DYDC1: variants seen among roughly 807,000 people sequenced by gnomAD.
The protein encoded by DYDC1 is DPY30 domain-containing protein 1.
DYDC1 carries 21 observed loss-of-function variants against 27.9 expected under a neutral mutation model. That is an observed-to-expected ratio of 0.75 (90% CI 0.53 to 1.08). The LOEUF (loss-of-function observed/expected upper bound fraction) is 1.08. DYDC1 is among the 50% of genes least tolerant of loss of function. The probability of loss-of-function intolerance (pLI) is 0.00; values close to 1 mark genes in which losing one functional copy is unlikely to be tolerated. For missense variants in DYDC1, 202 were observed against 205.9 expected (o/e 0.98, Z 0.12); for synonymous variants, 67 against 65.8 (o/e 1.02, Z -0.09).
At chr10:80,339,819 A>C (rs575629505) in intron 4 of DYDC1, among the ~76,000 whole-genome samples, 28 of 152,286 alleles carry the variant, frequency 1.8e-4, no homozygotes, top group African/African-American at 6.7e-4. Flanking sequence ...TGGTCACCCT[A>C]ATGATAGGGA....
chr10:80,354,669 G>A (rs12570038), intron 1 of DYDC1, among the ~76,000 whole-genome samples: 4 of 151,838 alleles, frequency 2.6e-5, no homozygotes, highest in Admixed American at 6.6e-5. Context: ...GTGTGGAGCC[G>A]TCATGCATGG....
chr10:80,345,249 CCA>C (rs942453022), intron 3 of DYDC1, among the ~76,000 whole-genome samples: 64 of 152,286 alleles, frequency 4.2e-4, no homozygotes, highest in African/African-American at 1.3e-3. Flanking sequence ...TGATGTCCTA[CCA>C]CACAGCAGTT....
intron 2 of DYDC1, 27 bp from the exon 3 acceptor site, chr10:80,352,029 A>T (rs1182206076): frequency 1.9e-6 from 3 of 1,605,468 alleles, no homozygotes; most frequent in Non-Finnish European, 2.6e-6. Context: ...ACAACAGCAC[A>T]CGACTTCTTA....
intron 3 of DYDC1, among the ~76,000 whole-genome samples, chr10:80,349,494 T>G (rs1842861089): frequency 6.6e-6 from 1 of 152,216 alleles, no homozygotes; most frequent in Non-Finnish European, 1.5e-5. Flanking sequence ...AATAATAAAT[T>G]TTTACAAGTA....
intron 1 of DYDC1, 150 bp from the exon 2 acceptor site, chr10:80,352,760 C>T (rs1450745659): frequency 9.8e-7 from 1 of 1,015,756 alleles, no homozygotes; most frequent in Non-Finnish European, 1.3e-6. Flanking sequence ...AAGCTGGCCC[C>T]AGGAAACTTC....
intron 4 of DYDC1, among the ~76,000 whole-genome samples, chr10:80,341,461 A>AAAAAG (rs1842317072): frequency 6.6e-6 from 1 of 150,668 alleles, no homozygotes; most frequent in African/African-American, 2.4e-5. Flanking sequence ...AAAAAAAAAA[A>AAAAAG]AAAGAAAGAA....
intron 6 of DYDC1, 108 bp from the exon 7 acceptor site, chr10:80,336,293 A>G: frequency 7.1e-7 from 1 of 1,403,096 alleles, no homozygotes; most frequent in South Asian, 1.6e-5. Flanking sequence ...ACATGAATGA[A>G]ACTTTTTGGG....
chr10:80,351,474 C>A (rs1422807127), intron 3 of DYDC1, among the ~76,000 whole-genome samples: 1 of 151,464 alleles, frequency 6.6e-6, no homozygotes, highest in Non-Finnish European at 1.5e-5. Context: ...ACCTCCCCTG[C>A]CTAAGTCCAC....
intron 1 of DYDC1, chr10:80,352,864 T>A: frequency 3.1e-6 from 1 of 324,020 alleles, no homozygotes; most frequent in Middle Eastern, 8.3e-4. Context: ...AGAAAAGAGA[T>A]ATTATCATTA....
At chr10:80,356,191 G>C in intron 1 of DYDC1, 3 of 952,934 alleles carry the variant, frequency 3.1e-6, no homozygotes, top group Non-Finnish European at 3.7e-6. Context: ...GCATGTTCCT[G>C]TCTGTGAAAC....
intron 3 of DYDC1, among the ~76,000 whole-genome samples, chr10:80,348,071 T>C (rs918949439): frequency 2.0e-5 from 3 of 152,212 alleles, no homozygotes; most frequent in Non-Finnish European, 2.9e-5. Context: ...CAATACTAAC[T>C]CTTCTGATAT....
At chr10:80,338,658 AT>A in intron 5 of DYDC1, 87 bp from the exon 6 acceptor site, 1 of 1,302,170 alleles carries the variant, frequency 7.7e-7, no homozygotes. Context: ...AAATTTTCTG[AT>A]TTATAACATT....
chr10:80,336,212 T>G (rs1340383), intron 6 of DYDC1, 27 bp from the exon 7 acceptor site: 1,089,707 of 1,568,284 alleles, frequency 0.69, 384,673 homozygotes, highest in East Asian at 0.96. Flanking sequence ...AAGTAAATAT[T>G]CCTTAATACA....
intron 1 of DYDC1, among the ~76,000 whole-genome samples, chr10:80,355,838 G>T (rs1325065703): frequency 1.3e-5 from 2 of 152,112 alleles, no homozygotes; most frequent in East Asian, 3.9e-4. Context: ...AATTCCAAAT[G>T]AGGTTGATAT....
intron 2 of DYDC1, 136 bp from the exon 3 acceptor site, chr10:80,352,138 T>C: frequency 1.2e-6 from 1 of 814,892 alleles, no homozygotes; most frequent in African/African-American, 1.7e-5. Flanking sequence ...GGAAATGATA[T>C]AATAATTTGG....
intron 3 of DYDC1, among the ~76,000 whole-genome samples, chr10:80,346,786 C>T (rs1185569681): frequency 3.9e-5 from 6 of 151,940 alleles, no homozygotes; most frequent in Admixed American, 3.9e-4. Flanking sequence ...TGATAACAGC[C>T]ATCTTAGGCT....
chr10:80,347,301 T>TGGC (rs1842721393), intron 3 of DYDC1, among the ~76,000 whole-genome samples: 2 of 125,814 alleles, frequency 1.6e-5, no homozygotes, highest in Admixed American at 7.6e-5. Context: ...TTTTTTTTTT[T>TGGC]TTTTGCTATT....
chr10:80,352,427 A>T lies in DYDC1; in HGVS notation c.147+28T>A, dbSNP rs1277923711. The T allele has an allele frequency of 3.3e-6, 5 of 1,534,404 alleles. No individual in the cohort carries two copies. The Admixed American group carries it at 1.1e-4, about 35-fold the overall frequency. ...AAGTTGGACCAGTTTTTTTTCTTCT[A>T]ATTTCCTAGAAGGAGATTCCTACTT... On this transcript the variant is annotated intron_variant, in intron 2 of 6. Coordinates refer to ENST00000372202, the MANE Select transcript of DYDC1 (RefSeq NM_001269053.2).
chr10:80,342,376 A>G lies in DYDC1; in HGVS notation c.250-15T>C. 6.2e-7 allele frequency: 1 copy of G among 1,610,970 alleles called. No homozygotes were observed. Among genetic ancestry groups the G allele is most frequent in the Non-Finnish European group, 8.5e-7 (1 of 1,179,046 alleles). Reference sequence around the variant, plus strand: ...GCCAGCTGTTGCTGAATATTCAGAAATATGTCATATTACAGTTAGATTAAT... The same window carrying G: ...GCCAGCTGTTGCTGAATATTCAGAAGTATGTCATATTACAGTTAGATTAAT... On this transcript the variant is annotated splice_polypyrimidine_tract_variant and intron_variant, in intron 3 of 6. Transcript: ENST00000372202.
Sources: allele counts gnomAD v4.1 joint callset (sites outside exome capture counted in the v4.1 genomes callset), GRCh38; gene constraint gnomAD v4.1.1; transcripts MANE v1.5; gene names NCBI Gene and HGNC (gene_info 2026-07-23, HGNC 2026-07-21).